RELN: variants seen among roughly 807,000 people sequenced by gnomAD.
RELN encodes the protein reelin.
RELN carries 108 observed loss-of-function variants against 427.6 expected under a neutral mutation model. The ratio of observed to expected loss-of-function variants is 0.25; its 90% CI spans 0.22 to 0.30. The LOEUF is 0.30. RELN is among the 10% of genes least tolerant of loss of function. RELN has a pLI of 1.00. For synonymous variants in RELN, 1,524 were observed against 1,513.4 expected (o/e 1.01, Z -0.16); for missense variants, 3,715 against 4,302.8 (o/e 0.86, Z 3.82).
intron 1 of RELN, among the ~76,000 whole-genome samples, chr7:103,983,416 C>T (rs1034005531): frequency 3.3e-5 from 5 of 152,264 alleles, no homozygotes; most frequent in African/African-American, 1.2e-4. Context: ...ATAACTGACA[C>T]CAAAGTGAGA....
intron 3 of RELN, among the ~76,000 whole-genome samples, chr7:103,794,388 A>G (rs921077799): frequency 6.6e-6 from 1 of 152,150 alleles, no homozygotes; most frequent in Middle Eastern, 3.2e-3. Flanking sequence ...CATCACTATC[A>G]GCAAGCTGTT....
intron 34 of RELN, among the ~76,000 whole-genome samples, chr7:103,562,305 C>T (rs904333305): frequency 6.6e-6 from 1 of 152,064 alleles, no homozygotes. Context: ...TATTGCTATT[C>T]AGTACTGGGA....
chr7:103,553,935 AG>A (rs1830469740), intron 38 of RELN, 104 bp from the exon 39 acceptor site: 1 of 940,610 alleles, frequency 1.1e-6, no homozygotes, highest in South Asian at 1.4e-5. Flanking sequence ...CAGTAACAAT[AG>A]GTTAAACATA....
chr7:103,489,060 A>T (rs1562845766), intron 60 of RELN, among the ~76,000 whole-genome samples: 1 of 152,214 alleles, frequency 6.6e-6, no homozygotes, highest in African/African-American at 2.4e-5. Flanking sequence ...GGATCAAAGG[A>T]AAGCAGGCCT....
At chr7:103,752,485 C>A (rs10280574) in intron 5 of RELN, among the ~76,000 whole-genome samples, 1,672 of 152,264 alleles carry the variant, frequency 0.011, 36 homozygotes, top group African/African-American at 0.037. Context: ...TCATAGCTTG[C>A]TGCAGCCTTG....
At chr7:103,662,214 A>G (rs1329684830) in intron 11 of RELN, among the ~76,000 whole-genome samples, 10 of 152,210 alleles carry the variant, frequency 6.6e-5, no homozygotes, top group Admixed American at 6.5e-4. Context: ...GAGGTTAAGA[A>G]TGACTAGCAA....
At chr7:103,901,126 T>C (rs1795074615) in intron 2 of RELN, among the ~76,000 whole-genome samples, 1 of 152,022 alleles carries the variant, frequency 6.6e-6, no homozygotes, top group Admixed American at 6.6e-5. Flanking sequence ...AAAGAAGATG[T>C]ACGATGGTCA....
chr7:103,539,523 C>A, intron 44 of RELN, 196 bp from the exon 45 acceptor site: 1 of 610,094 alleles, frequency 1.6e-6, no homozygotes, highest in Middle Eastern at 4.5e-4. Context: ...CAAGAAACTA[C>A]ACAAAACAAA....
intron 55 of RELN, among the ~76,000 whole-genome samples, chr7:103,497,019 T>G (rs942229435): frequency 1.3e-5 from 2 of 152,212 alleles, no homozygotes; most frequent in Non-Finnish European, 2.9e-5. Flanking sequence ...ATAAGTTATG[T>G]TTTGCTTTTA....
intron 6 of RELN, among the ~76,000 whole-genome samples, chr7:103,743,697 C>G (rs1311997723): frequency 6.6e-6 from 1 of 152,176 alleles, no homozygotes. Flanking sequence ...GGGATCAATT[C>G]AACAAGAAGA....
At chr7:103,662,368 T>C (rs1283442338) in intron 11 of RELN, among the ~76,000 whole-genome samples, 1 of 152,108 alleles carries the variant, frequency 6.6e-6, no homozygotes, top group Admixed American at 6.5e-5. Flanking sequence ...ACACATGTAA[T>C]CCTAGTACTT....
intron 28 of RELN, among the ~76,000 whole-genome samples, chr7:103,583,854 C>A (rs1408744535): frequency 6.6e-6 from 1 of 152,190 alleles, no homozygotes; most frequent in African/African-American, 2.4e-5. Context: ...CCACTACCCA[C>A]ACAAACTCTG....
rs113730274 is a variant in RELN, at chr7:103,593,644, C to A, written c.3912+38G>T. Reference sequence around the variant, plus strand: ...TTATACATCTGGAAGATATTTTACTCCTTAACTTGCTCTGGGAAGAAGCTT... The same window carrying A: ...TTATACATCTGGAAGATATTTTACTACTTAACTTGCTCTGGGAAGAAGCTT... On this transcript the variant is annotated intron_variant, in intron 27 of 64. Coordinates refer to ENST00000428762, the MANE Select transcript of RELN (RefSeq NM_005045.4). 9.4e-4 allele frequency: 1,457 copies of A among 1,544,790 alleles called. 11 individuals carry two copies. The African/African-American group carries it at 0.018, about 19-fold the overall frequency.
chr7:103,957,333 G>A lies in RELN; in HGVS notation c.226+31798C>T, dbSNP rs115670016. 5.1e-3 allele frequency among the ~76,000 whole-genome samples: 778 copies of A among 152,234 alleles called. 6 individuals are homozygous for A. Among genetic ancestry groups the A allele is most frequent in the African/African-American group, 0.018 (731 of 41,550 alleles). The stretch of plus-strand genomic sequence containing the variant: ...TGAGTGGTGTTGCAATAATTAGCTC[G>A]GGGATGCAAAACAGAAAAATAAGAG... On this transcript the variant is annotated intron_variant, in intron 1 of 64. Coordinates refer to ENST00000428762, the MANE Select transcript of RELN (RefSeq NM_005045.4).
Position 103,551,210 on chromosome 7 carries a change from A to G in RELN, c.6159T>C (p.Leu2053=), listed in dbSNP as rs1562886140. Residue 2053 remains leucine (L), a synonymous_variant, in exon 41 of 65, where the codon CTT becomes CTC. Transcript: ENST00000428762. ...TGCTGTGGTAGCAGAGGGGCAGCAG[A>G]AGGTGCCAGGTCGCCCCGAAGTCCC... is the stretch of plus-strand genomic sequence containing the variant. ...FSRDFGATWH[L]LLPLCYHSSS... is the part of the protein sequence containing the mutation. The G allele has an allele frequency of 6.2e-7, 1 of 1,614,138 alleles. No homozygotes were observed. The highest frequency in any genetic ancestry group is 2.2e-5 in the East Asian group (1 of 44,874).
At chr7:103,742,753 T>C (rs1790700661) in intron 6 of RELN, among the ~76,000 whole-genome samples, 1 of 152,140 alleles carries the variant, frequency 6.6e-6, no homozygotes, top group African/African-American at 2.4e-5. Flanking sequence ...CTAAGAAATA[T>C]GGGACTATGT....
At chr7:103,847,826 A>C (rs1793718331) in intron 2 of RELN, among the ~76,000 whole-genome samples, 1 of 152,166 alleles carries the variant, frequency 6.6e-6, no homozygotes, top group African/African-American at 2.4e-5. Context: ...TCTGACTCCT[A>C]AACTGGAAGT....
intron 60 of RELN, among the ~76,000 whole-genome samples, chr7:103,489,353 G>A (rs1363966208): frequency 6.6e-6 from 1 of 152,104 alleles, no homozygotes; most frequent in African/African-American, 2.4e-5. Context: ...TGTAGGCACA[G>A]GCAGCTAGGC....
rs150743664 is a variant in RELN, at chr7:103,522,046, C to T, written c.7644G>A (p.Ser2548=). ...CCCCACTGAAATGGAGAGCCATTCC[C>T]GACGCCACGGCTCCACACACTGTAC... is the stretch of plus-strand genomic sequence containing the variant. ...KLSTVCGAVA[S]GMALHFSGGC... Residue 2548 remains serine (S), a synonymous_variant, in exon 48 of 65, where the codon TCG becomes TCA. Coordinates refer to ENST00000428762, the MANE Select transcript of RELN (RefSeq NM_005045.4). The T allele has an allele frequency of 8.1e-5, 131 of 1,614,064 alleles. No individual in the cohort carries two copies. In the African/African-American group the frequency reaches 1.7e-3, roughly 21 times the overall value.
Sources: gnomAD v4.1 joint callset for allele counts (sites outside exome capture counted in the v4.1 genomes callset) on GRCh38, gnomAD v4.1.1 for gene constraint, MANE v1.5 for transcripts, NCBI Gene and HGNC (gene_info 2026-07-23, HGNC 2026-07-21) for gene names.